The following RTTN variants were observed in gnomAD, a reference collection of about 807,000 sequenced individuals.
RTTN encodes the protein rotatin.
RTTN carries 182 observed loss-of-function variants against 269.2 expected under a neutral mutation model. The observed-to-expected ratio is 0.68, with a 90% confidence interval of 0.60 to 0.76. The LOEUF is 0.76. Among genes scored for constraint, RTTN ranks in the 30% least tolerant of loss-of-function variants. The pLI, the probability that RTTN is intolerant of heterozygous loss-of-function variation, is 0.00. For missense variants in RTTN, 2,545 were observed against 2,608.6 expected (o/e 0.98, Z 0.53); for synonymous variants, 1,006 against 963.5 (o/e 1.04, Z -0.82).
Position 70,148,946 on chromosome 18 carries a change from G to A in RTTN, c.2264C>T (p.Thr755Ile), listed in dbSNP as rs1447324339. ...AAGTCGCAGCATGGACTTTAATCGGGTAGTACACGGAAGCATCTCTTCTGT... is the reference window on the plus strand; with the variant it reads ...AAGTCGCAGCATGGACTTTAATCGGATAGTACACGGAAGCATCTCTTCTGT... ...SDTEEMLPCT[T>I]RLKSMLRLLL... The change falls in exon 17 of 49, where the codon ACC becomes ATC. Residue 755 changes from threonine to isoleucine, a missense_variant. Thr to Ile is a moderately conservative substitution (Grantham distance 89). Coordinates refer to ENST00000640769, the MANE Select transcript of RTTN (RefSeq NM_173630.4). 1 of 1,613,584 alleles carries A rather than the reference G, an allele frequency of 6.2e-7. No individual in the cohort carries two copies.
At chr18:70,196,724 T>C (rs2061818852) in intron 6 of RTTN, 76 bp from the exon 7 acceptor site, 3 of 1,343,744 alleles carry the variant, frequency 2.2e-6, no homozygotes, top group South Asian at 1.3e-5. Flanking sequence ...GGAGCTTAAG[T>C]AAGTAAGCCT....
chr18:70,103,848 G>A (rs1030144242), intron 28 of RTTN, among the ~76,000 whole-genome samples: 4 of 151,364 alleles, frequency 2.6e-5, no homozygotes, highest in East Asian at 3.9e-4. Context: ...AGTTTCTGCC[G>A]AGAGATCCGC....
chr18:70,176,784 C>A lies in RTTN; in HGVS notation c.1367G>T (p.Ser456Ile). ...LGETMCYHKSSISLEQPEVML... is the reference protein window; with the variant it reads ...LGETMCYHKSIISLEQPEVML... ...CACCTCTGGCTGCTCCAAACTGATACTACTTTTATGGTAGCACATGGTTTC... is the reference window on the plus strand; with the variant it reads ...CACCTCTGGCTGCTCCAAACTGATAATACTTTTATGGTAGCACATGGTTTC... The change falls in exon 11 of 49, where the codon AGT (serine) becomes ATT (isoleucine). Residue 456 changes from serine to isoleucine, a missense_variant. Coordinates refer to ENST00000640769, the MANE Select transcript of RTTN (RefSeq NM_173630.4). The A allele has an allele frequency of 6.2e-7, 1 of 1,614,158 alleles. No homozygotes were observed. Among genetic ancestry groups the A allele is most frequent in the Non-Finnish European group, 8.5e-7 (1 of 1,180,000 alleles).
intron 40 of RTTN, among the ~76,000 whole-genome samples, chr18:70,033,780 G>A (rs1479105597): frequency 6.6e-6 from 1 of 151,706 alleles, no homozygotes; most frequent in Non-Finnish European, 1.5e-5. Flanking sequence ...GAAGTGAGGA[G>A]CCAGTTTTTT....
chr18:70,133,461 TAGCCCAAAACAGAAAAC>T (rs1215299763), intron 23 of RTTN, among the ~76,000 whole-genome samples: 1 of 152,118 alleles, frequency 6.6e-6, no homozygotes, highest in Non-Finnish European at 1.5e-5. Context: ...TTCTTCATAA[TAGCCCAAAACAGAAAAC>T]AAATTAAACA....
chr18:70,153,298 T>TAC (rs1321479198), intron 14 of RTTN, among the ~76,000 whole-genome samples: 1 of 151,942 alleles, frequency 6.6e-6, no homozygotes, highest in Admixed American at 6.6e-5. Flanking sequence ...TATACATATA[T>TAC]ACACACACAC....
chr18:70,085,130 A>C (rs901746826), intron 32 of RTTN, among the ~76,000 whole-genome samples: 1 of 152,196 alleles, frequency 6.6e-6, no homozygotes, highest in Non-Finnish European at 1.5e-5. Flanking sequence ...TTTGAGCCAA[A>C]AACAACATGT....
chr18:70,109,546 G>A lies in RTTN; in HGVS notation c.3855C>T (p.Leu1285=), dbSNP rs759565498. 6 of 1,614,014 alleles carry A rather than the reference G, an allele frequency of 3.7e-6. No individual in the cohort carries two copies. The Admixed American group carries it at 8.3e-5, about 22-fold the overall frequency. ...AFPGWSSHSP[L]TKPLDICVKY... ...TCACACAGATATCTAGAGGCTTTGT[G>A]AGAGGAGAGTGTGAGCTCCATCCCG... Residue 1285 remains leucine (L), a synonymous_variant, in exon 28 of 49, where the codon CTC becomes CTT. Transcript: ENST00000640769.
At chr18:70,092,034 T>C in intron 30 of RTTN, 76 bp downstream of exon 30, 1 of 865,636 alleles carries the variant, frequency 1.2e-6, no homozygotes, top group Non-Finnish European at 1.9e-6. Flanking sequence ...ATTACAGGCA[T>C]GAGCCACCGC....
intron 14 of RTTN, among the ~76,000 whole-genome samples, chr18:70,152,899 C>A (rs1035984518): frequency 6.6e-6 from 1 of 152,174 alleles, no homozygotes; most frequent in African/African-American, 2.4e-5. Flanking sequence ...TAAAATCATT[C>A]ATAGCATCTC....
intron 40 of RTTN, among the ~76,000 whole-genome samples, chr18:70,040,781 T>C (rs972563773): frequency 3.9e-5 from 6 of 152,206 alleles, no homozygotes; most frequent in South Asian, 2.1e-4. Flanking sequence ...GCATCTTCTA[T>C]GACCAGAGTA....
chr18:70,012,389 T>G (rs1020454037), intron 46 of RTTN, among the ~76,000 whole-genome samples: 6 of 142,384 alleles, frequency 4.2e-5, no homozygotes, highest in Middle Eastern at 4.3e-3. Context: ...TGGTGTTAGA[T>G]AGAGGGCAGC....
intron 25 of RTTN, 35 bp from the exon 26 acceptor site, chr18:70,121,735 G>T: frequency 6.6e-7 from 1 of 1,507,392 alleles, no homozygotes; most frequent in Non-Finnish European, 8.8e-7. Flanking sequence ...GGTTTCTGGC[G>T]CTTTAAAATA....
intron 32 of RTTN, among the ~76,000 whole-genome samples, chr18:70,078,767 G>T (rs2145105763): frequency 6.6e-6 from 1 of 152,122 alleles, no homozygotes; most frequent in African/African-American, 2.4e-5. Context: ...CTGCAGATGA[G>T]AATGTAAACA....
intron 28 of RTTN, among the ~76,000 whole-genome samples, chr18:70,107,092 C>T (rs1370651242): frequency 6.6e-6 from 1 of 152,158 alleles, no homozygotes; most frequent in Non-Finnish European, 1.5e-5. Flanking sequence ...GACATTGAAA[C>T]AAAGGGGCCA....
At chr18:70,010,561 C>G (rs956012153) in intron 46 of RTTN, among the ~76,000 whole-genome samples, 1 of 152,084 alleles carries the variant, frequency 6.6e-6, no homozygotes, top group Non-Finnish European at 1.5e-5. Context: ...CACAATATAC[C>G]AGAATCTCTG....
chr18:70,160,668 A>G (rs1050938850), intron 14 of RTTN, among the ~76,000 whole-genome samples: 2 of 151,622 alleles, frequency 1.3e-5, no homozygotes, highest in Admixed American at 6.6e-5. Flanking sequence ...AAAAAAAAAA[A>G]AAAAAAAGAA....
chr18:70,152,174 G>A lies in RTTN; in HGVS notation c.1930-1441C>T, dbSNP rs114460976. Among the ~76,000 whole-genome samples the A allele has an allele frequency of 7.1e-3, 1,079 of 151,392 alleles. 10 individuals carry two copies. The highest frequency in any genetic ancestry group is 0.024 in the African/African-American group (1,014 of 41,402). ...CCTTCTCTTCCCTAGTCTCTCAGTA[G>A]TTGATCCTATCAAGGCTTGTGGCTT... On this transcript the variant is annotated intron_variant, in intron 14 of 48. Coordinates refer to ENST00000640769, the MANE Select transcript of RTTN (RefSeq NM_173630.4).
At position 70,047,966 on chromosome 18, in the gene RTTN, C is replaced by T. The variant is rs746392032; in HGVS notation, c.5541+5G>A. 18 of 1,607,700 alleles carry T rather than the reference C, an allele frequency of 1.1e-5. No homozygotes were observed. Among genetic ancestry groups the T allele is most frequent in the Non-Finnish European group, 1.5e-5 (18 of 1,174,792 alleles). On this transcript the variant is annotated splice_donor_5th_base_variant and intron_variant, in intron 40 of 48. Transcript: ENST00000640769. ...AAGTTTTTGAAAAACCAAGAAATGA[C>T]GTACCTGAAGGATTACATCACTAAG...
Sources: allele counts gnomAD v4.1 joint callset (sites outside exome capture counted in the v4.1 genomes callset), GRCh38; gene constraint gnomAD v4.1.1; transcripts MANE v1.5; gene names NCBI Gene and HGNC (gene_info 2026-07-23, HGNC 2026-07-21).